ZCWPW2: variants seen among roughly 807,000 people sequenced by gnomAD.
ZCWPW2 encodes the protein zinc finger CW-type and PWWP domain containing 2.
A neutral mutation model predicts 46.6 loss-of-function variants in ZCWPW2; 45 were observed. That is an observed-to-expected ratio of 0.96 (90% confidence interval 0.76 to 1.24). The LOEUF is 1.24. ZCWPW2 is among the 50% of genes most tolerant of loss of function. The probability of loss-of-function intolerance (pLI) is 0.00; values close to 1 mark genes in which losing one functional copy is unlikely to be tolerated. For synonymous variants in ZCWPW2, 152 were observed against 137.1 expected (o/e 1.11, Z -0.76); for missense variants, 429 against 403.9 (o/e 1.06, Z -0.53).
At chr3:28,455,834 T>C (rs970596731) in intron 4 of ZCWPW2, among the ~76,000 whole-genome samples, 2 of 152,212 alleles carry the variant, frequency 1.3e-5, no homozygotes, top group African/African-American at 4.8e-5. Flanking sequence ...TTATGTTTCA[T>C]TGGTCTATGT....
In ZCWPW2 at chr3:28,349,252, A is replaced by C. The variant is rs527649859; in HGVS notation, c.-134+49A>C. The C allele has an allele frequency of 8.2e-6, 8 of 969,720 alleles. No homozygotes were observed. In the African/African-American group the frequency reaches 1.4e-4, roughly 17 times the overall value. The allele number at this position is 969,720 out of a possible 1,614,324, so 60.1% of individuals were successfully genotyped here. Reference sequence around the variant, plus strand: ...GTCTGTTGGGCCGAGGTCCCCCTTCAGGGGCGCCCTCTGGTGCGTCTTTTT... The same window carrying C: ...GTCTGTTGGGCCGAGGTCCCCCTTCCGGGGCGCCCTCTGGTGCGTCTTTTT... On this transcript the variant is annotated intron_variant, in intron 1 of 9. Transcript: ENST00000383768.
At chr3:28,411,129 ATTAT>A (rs1469425002) in intron 2 of ZCWPW2, among the ~76,000 whole-genome samples, 2 of 151,936 alleles carry the variant, frequency 1.3e-5, no homozygotes, top group Non-Finnish European at 2.9e-5. Flanking sequence ...AAAAATATTA[ATTAT>A]TAATAAACAA....
At chr3:28,358,779 A>T (rs1199800691) in intron 1 of ZCWPW2, among the ~76,000 whole-genome samples, 1 of 152,146 alleles carries the variant, frequency 6.6e-6, no homozygotes, top group African/African-American at 2.4e-5. Flanking sequence ...GTAGTAGATT[A>T]GATTGCTATC....
At chr3:28,375,739 A>ATTT (rs36058066) in intron 1 of ZCWPW2, among the ~76,000 whole-genome samples, 4 of 146,046 alleles carry the variant, frequency 2.7e-5, no homozygotes, top group African/African-American at 2.5e-5. Flanking sequence ...CATTCTTTCT[A>ATTT]TTTTTTTTTT....
At chr3:28,380,535 C>T (rs987790648) in intron 1 of ZCWPW2, among the ~76,000 whole-genome samples, 1 of 152,188 alleles carries the variant, frequency 6.6e-6, no homozygotes, top group Non-Finnish European at 1.5e-5. Flanking sequence ...TATAAACCTG[C>T]CATTGCTCTT....
chr3:28,426,241 C>T (rs1349929498), intron 3 of ZCWPW2, among the ~76,000 whole-genome samples: 1 of 151,466 alleles, frequency 6.6e-6, no homozygotes, highest in African/African-American at 2.4e-5. Flanking sequence ...TTTAAGCAGT[C>T]TTGTTTTTTT....
chr3:28,373,450 G>A (rs1705404960), intron 1 of ZCWPW2, among the ~76,000 whole-genome samples: 1 of 151,528 alleles, frequency 6.6e-6, no homozygotes, highest in Non-Finnish European at 1.5e-5. Context: ...CCATTTGTAT[G>A]TTGTTTTTTT....
intron 1 of ZCWPW2, among the ~76,000 whole-genome samples, chr3:28,358,470 G>A (rs1704823004): frequency 6.6e-6 from 1 of 151,964 alleles, no homozygotes; most frequent in South Asian, 2.1e-4. Context: ...AATTCTCAGA[G>A]AATTGGGGAA....
intron 6 of ZCWPW2, among the ~76,000 whole-genome samples, chr3:28,498,325 A>G (rs957113722): frequency 4.0e-5 from 6 of 150,920 alleles, no homozygotes; most frequent in African/African-American, 1.2e-4. Context: ...AATTGAGACA[A>G]CTCTGTCTGC....
rs71087692 is a variant in ZCWPW2, at chr3:28,360,349, CAAAA to C, written c.-134+11168_-134+11171del. Among the ~76,000 whole-genome samples, 441 of 53,910 alleles carry C rather than the reference CAAAA, an allele frequency of 8.2e-3. 3 individuals carry two copies. The highest frequency in any genetic ancestry group is 0.03 in the African/African-American group (419 of 14,034). The allele number at this position is 53,910 out of a possible 152,430, so 35.4% of individuals were successfully genotyped here. On this transcript the variant is annotated intron_variant, in intron 1 of 9. Transcript: ENST00000383768. ...TGAAACCCCGTCTCTACTAAAAATA[CAAAA>C]AAAAAAAAAAAAAAAAAAAAATAGC...
intron 1 of ZCWPW2, among the ~76,000 whole-genome samples, chr3:28,357,147 T>G (rs1257020234): frequency 6.6e-6 from 1 of 152,180 alleles, no homozygotes; most frequent in African/African-American, 2.4e-5. Flanking sequence ...TTCATTTACA[T>G]TATAAAAACC....
At chr3:28,363,056 T>G (rs1413161423) in intron 1 of ZCWPW2, among the ~76,000 whole-genome samples, 1 of 141,230 alleles carries the variant, frequency 7.1e-6, no homozygotes, top group Non-Finnish European at 1.5e-5. Context: ...TGGGGCCTAC[T>G]TGGTGGGGAG....
At chr3:28,368,052 A>G (rs554463150) in intron 1 of ZCWPW2, among the ~76,000 whole-genome samples, 1 of 151,930 alleles carries the variant, frequency 6.6e-6, no homozygotes, top group Admixed American at 6.6e-5. Flanking sequence ...TGCACATGAG[A>G]TGGGTTTCCT....
intron 1 of ZCWPW2, among the ~76,000 whole-genome samples, chr3:28,380,311 T>A (rs1050260931): frequency 1.3e-5 from 2 of 152,052 alleles, no homozygotes; most frequent in Admixed American, 6.6e-5. Context: ...GCTGGACTCC[T>A]TCCCCTCACC....
At chr3:28,395,515 A>T in intron 2 of ZCWPW2, among the ~76,000 whole-genome samples, 1 of 152,206 alleles carries the variant, frequency 6.6e-6, no homozygotes, top group East Asian at 1.9e-4. Context: ...ACTAATGTCC[A>T]TCAACAGACA....
At chr3:28,509,721 C>T (rs1328076781) in intron 6 of ZCWPW2, among the ~76,000 whole-genome samples, 1 of 152,082 alleles carries the variant, frequency 6.6e-6, no homozygotes, top group Admixed American at 6.6e-5. Context: ...ATTCTAGATA[C>T]AATTTCTTAT....
chr3:28,502,075 A>C (rs1490594840), intron 6 of ZCWPW2, among the ~76,000 whole-genome samples: 2 of 152,142 alleles, frequency 1.3e-5, no homozygotes, highest in Non-Finnish European at 2.9e-5. Flanking sequence ...AAATCTGTAG[A>C]GGGAAACTGC....
At chr3:28,496,251 TA>T (rs1324036548) in intron 6 of ZCWPW2, among the ~76,000 whole-genome samples, 1 of 152,062 alleles carries the variant, frequency 6.6e-6, no homozygotes, top group Non-Finnish European at 1.5e-5. Context: ...GCTTTTGTCT[TA>T]AAACTAAATA....
intron 5 of ZCWPW2, among the ~76,000 whole-genome samples, chr3:28,486,019 T>C (rs984786859): frequency 1.3e-5 from 2 of 152,162 alleles, no homozygotes; most frequent in African/African-American, 4.8e-5. Context: ...TTCACTCTTT[T>C]TCTGTCTTTG....
Sources: gnomAD v4.1 joint callset for allele counts (sites outside exome capture counted in the v4.1 genomes callset) on GRCh38, gnomAD v4.1.1 for gene constraint, MANE v1.5 for transcripts, NCBI Gene and HGNC (gene_info 2026-07-23, HGNC 2026-07-21) for gene names.